SLC9A9: variants seen among roughly 807,000 people sequenced by gnomAD.
SLC9A9 encodes the protein sodium/hydrogen exchanger 9.
A neutral mutation model predicts 77.8 loss-of-function variants in SLC9A9; 62 were observed. The observed-to-expected ratio is 0.80, with a 90% CI of 0.65 to 0.98. The LOEUF is 0.98. Ranked by LOEUF, SLC9A9 falls within the 50% of genes least tolerant of loss-of-function variation. The pLI is 0.00. For missense variants in SLC9A9, 775 were observed against 774.9 expected (o/e 1.00, Z 0.00); for synonymous variants, 320 against 283.5 (o/e 1.13, Z -1.29).
intron 5 of SLC9A9, among the ~76,000 whole-genome samples, chr3:143,664,258 T>C (rs538653925): frequency 2.0e-5 from 3 of 152,064 alleles, no homozygotes; most frequent in Non-Finnish European, 4.4e-5. Flanking sequence ...AGAAATAAAA[T>C]CCTTTCCAGA....
chr3:143,641,815 C>A (rs2038628659), intron 6 of SLC9A9, among the ~76,000 whole-genome samples: 1 of 152,170 alleles, frequency 6.6e-6, no homozygotes, highest in Non-Finnish European at 1.5e-5. Context: ...CCCACTTTCT[C>A]TATACACATT....
intron 6 of SLC9A9, among the ~76,000 whole-genome samples, chr3:143,644,871 C>T (rs1403934187): frequency 6.6e-6 from 1 of 151,922 alleles, no homozygotes; most frequent in Non-Finnish European, 1.5e-5. Flanking sequence ...AGTGAATTAC[C>T]TTCAGAAAGA....
intron 14 of SLC9A9, among the ~76,000 whole-genome samples, chr3:143,355,012 C>T (rs2032550912): frequency 6.6e-6 from 1 of 152,090 alleles, no homozygotes. Flanking sequence ...GTATAATTTC[C>T]AGAAAAATAA....
At chr3:143,477,383 T>A (rs1576523788) in intron 11 of SLC9A9, among the ~76,000 whole-genome samples, 1 of 64,798 alleles carries the variant, frequency 1.5e-5, no homozygotes, top group East Asian at 3.7e-4. Context: ...GCCACCCAGA[T>A]TTCAGGGCTC....
At chr3:143,793,810 T>G (rs1171621930) in intron 4 of SLC9A9, among the ~76,000 whole-genome samples, 1 of 152,168 alleles carries the variant, frequency 6.6e-6, no homozygotes, top group Non-Finnish European at 1.5e-5. Flanking sequence ...ATGTGAATAT[T>G]TAGCTATTGC....
rs577083858 is a variant in SLC9A9, at chr3:143,834,751, C to T, written c.176-2530G>A. The stretch of plus-strand genomic sequence containing the variant: ...CAAACCTAAATGGCCCTGACTATCC[C>T]TCTGCACTAGCTCTGGCCTCATTGT... On this transcript the variant is annotated intron_variant, in intron 1 of 15. Coordinates refer to ENST00000316549, the MANE Select transcript of SLC9A9 (RefSeq NM_173653.4). 3.2e-4 allele frequency among the ~76,000 whole-genome samples: 49 copies of T among 152,216 alleles called. 1 individual carries two copies. The highest frequency in any genetic ancestry group is 2.3e-3 in the South Asian group (11 of 4,820).
intron 12 of SLC9A9, among the ~76,000 whole-genome samples, chr3:143,408,916 C>T (rs1022737594): frequency 1.3e-5 from 2 of 152,126 alleles, no homozygotes; most frequent in African/African-American, 4.8e-5. Flanking sequence ...AACATGGGAA[C>T]TGACTTTACA....
chr3:143,552,509 G>T (rs1559964724), intron 8 of SLC9A9, 59 bp from the exon 9 acceptor site: 18 of 1,432,694 alleles, frequency 1.3e-5, no homozygotes, highest in Non-Finnish European at 1.6e-5. Context: ...CAAGTCAAAG[G>T]TTAGGGCTAT....
At chr3:143,603,645 T>A (rs1373675395) in intron 6 of SLC9A9, among the ~76,000 whole-genome samples, 1 of 152,196 alleles carries the variant, frequency 6.6e-6, no homozygotes, top group African/African-American at 2.4e-5. Flanking sequence ...CAACAGCTTG[T>A]CTGCAACCTC....
chr3:143,342,673 G>A (rs1031554147), intron 14 of SLC9A9, among the ~76,000 whole-genome samples: 2 of 152,170 alleles, frequency 1.3e-5, no homozygotes, highest in African/African-American at 2.4e-5. Flanking sequence ...ATTAGGCAAT[G>A]CTTGTAGACA....
In SLC9A9 at chr3:143,332,680, T is replaced by G. The variant is rs1252047514; in HGVS notation, c.1604+30804A>C. ...GTTCATTTGTGCCCAAGGGTTGAGA[T>G]CCACTTGTCTGTAAATCTGATCATG... On this transcript the variant is annotated intron_variant, in intron 14 of 15. Coordinates refer to ENST00000316549, the MANE Select transcript of SLC9A9 (RefSeq NM_173653.4). Among the ~76,000 whole-genome samples the G allele has an allele frequency of 2.6e-5, 4 of 152,226 alleles. No homozygotes were observed. The East Asian group carries it at 7.7e-4, about 29-fold the overall frequency.
intron 4 of SLC9A9, among the ~76,000 whole-genome samples, chr3:143,740,025 G>T (rs1167796321): frequency 1.3e-5 from 2 of 152,166 alleles, no homozygotes; most frequent in African/African-American, 2.4e-5. Context: ...TGGTGAGTCA[G>T]AGCAAGAGCA....
intron 14 of SLC9A9, among the ~76,000 whole-genome samples, chr3:143,360,014 T>C (rs2108481383): frequency 6.6e-6 from 1 of 152,294 alleles, no homozygotes; most frequent in East Asian, 1.9e-4. Flanking sequence ...ATGGTGACTT[T>C]GTGAACATAC....
intron 6 of SLC9A9, among the ~76,000 whole-genome samples, chr3:143,606,436 C>CTCTCTATATATATATATATATA (rs1419410834): frequency 1.8e-4 from 10 of 54,204 alleles, no homozygotes; most frequent in African/African-American, 6.1e-4. Flanking sequence ...CTCTCTCTCT[C>CTCTCTATATATATATATATATA]TATATATATA....
At chr3:143,763,004 C>A (rs957607456) in intron 4 of SLC9A9, among the ~76,000 whole-genome samples, 8 of 152,162 alleles carry the variant, frequency 5.3e-5, no homozygotes, top group East Asian at 1.9e-4. Context: ...TCAGGTGGGG[C>A]CTTTGGACTC....
intron 4 of SLC9A9, among the ~76,000 whole-genome samples, chr3:143,765,424 C>T (rs1235560047): frequency 1.3e-5 from 2 of 152,210 alleles, no homozygotes; most frequent in African/African-American, 2.4e-5. Flanking sequence ...GGGACCATTT[C>T]GAGTGCAGTA....
intron 14 of SLC9A9, among the ~76,000 whole-genome samples, chr3:143,297,141 T>G (rs531521846): frequency 1.3e-5 from 2 of 152,244 alleles, no homozygotes; most frequent in East Asian, 3.9e-4. Flanking sequence ...TTCCTAGGAG[T>G]TTTACAGTTT....
intron 14 of SLC9A9, 26 bp from the exon 15 acceptor site, chr3:143,269,006 G>A (rs1937821966): frequency 6.6e-7 from 1 of 1,503,886 alleles, no homozygotes; most frequent in African/African-American, 1.4e-5. Context: ...AGGAATACTT[G>A]TCAACAGGGA....
intron 12 of SLC9A9, among the ~76,000 whole-genome samples, chr3:143,419,364 C>A (rs1174800040): frequency 6.6e-6 from 1 of 152,172 alleles, no homozygotes; most frequent in African/African-American, 2.4e-5. Flanking sequence ...AGCTAGAATT[C>A]AACCCAGGCA....
Sources: gnomAD v4.1 joint callset for allele counts (sites outside exome capture counted in the v4.1 genomes callset) on GRCh38, gnomAD v4.1.1 for gene constraint, MANE v1.5 for transcripts, NCBI Gene and HGNC (gene_info 2026-07-23, HGNC 2026-07-21) for gene names.